The following TENM3 variants were observed in gnomAD, a reference collection of about 807,000 sequenced individuals.
The protein encoded by TENM3 is teneurin-3.
A neutral mutation model predicts 255.1 loss-of-function variants in TENM3; 63 were observed. The observed-to-expected ratio is 0.25, with a 90% CI of 0.20 to 0.30. The LOEUF (loss-of-function observed/expected upper bound fraction) is 0.30. Ranked by LOEUF, TENM3 falls within the 10% of genes least tolerant of loss-of-function variation. The probability of loss-of-function intolerance (pLI) is 1.00; values close to 1 mark genes in which losing one functional copy is unlikely to be tolerated. For synonymous variants in TENM3, 1,306 were observed against 1,322.3 expected, an observed-to-expected ratio of 0.99 and a Z score of 0.27; for missense variants, 2,929 against 3,461.1, an observed-to-expected ratio of 0.85 and a Z score of 3.86.
the TENM3 span, among the ~76,000 whole-genome samples, chr4:181,935,730 C>T: frequency 2.0e-5 from 3 of 152,148 alleles, no homozygotes; most frequent in Admixed American, 6.5e-5. Context: ...GCAAAACTCT[C>T]GAATCCCAGC....
the TENM3 span, among the ~76,000 whole-genome samples, chr4:181,644,487 A>G: frequency 6.6e-6 from 1 of 151,802 alleles, no homozygotes; most frequent in African/African-American, 2.4e-5. Context: ...AAGATGAAAG[A>G]TAATCAAATT....
intron 6 of TENM3, among the ~76,000 whole-genome samples, chr4:182,658,471 C>A (rs28435296): frequency 0.016 from 2,455 of 152,250 alleles, 68 homozygotes; most frequent in African/African-American, 0.056. Flanking sequence ...CTCTTCAGCT[C>A]CAGATCTCAA....
At chr4:181,883,687 C>G in the TENM3 span, among the ~76,000 whole-genome samples, 113 of 152,196 alleles carry the variant, frequency 7.4e-4, 2 homozygotes, top group South Asian at 0.021. Context: ...TTGTGTTAGC[C>G]AGGATGGTCT....
Position 182,688,178 on chromosome 4 carries a change from T to C in TENM3, c.2048T>C (p.Val683Ala). The stretch of plus-strand genomic sequence containing the variant: ...TCCTCCCACATAGAAATATGTTCTG[T>C]GGACTGTGGCTCACACGGCGTTTGC... ...GPDCSNEICS[V>A]DCGSHGVCMG... Residue 683 changes from valine (V) to alanine (A), a missense_variant, in exon 12 of 28, where the codon GTG becomes GCG. By Grantham distance (64) the Val-to-Ala change is moderately conservative. Around this residue, in one of 6 missense-constraint regions of TENM3, gnomAD observed 1,608 missense variants for 1,884.4 expected, o/e 0.85. Transcript: ENST00000511685. 2.5e-6 allele frequency: 4 copies of C among 1,610,514 alleles called. No individual in the cohort carries two copies. The highest frequency in any genetic ancestry group is 3.4e-6 in the Non-Finnish European group (4 of 1,178,166).
chr4:182,725,818 A>G (rs1760123466), intron 13 of TENM3, among the ~76,000 whole-genome samples: 1 of 151,588 alleles, frequency 6.6e-6, no homozygotes. Context: ...TTGTATTTTT[A>G]GTAGAGACGG....
At chr4:181,622,700 A>C in the TENM3 span, among the ~76,000 whole-genome samples, 1 of 152,146 alleles carries the variant, frequency 6.6e-6, no homozygotes, top group African/African-American at 2.4e-5. Flanking sequence ...AAATATGATA[A>C]CATGGCTTTT....
At chr4:182,663,388 C>T (rs1210401877) in intron 6 of TENM3, among the ~76,000 whole-genome samples, 1 of 152,056 alleles carries the variant, frequency 6.6e-6, no homozygotes, top group Non-Finnish European at 1.5e-5. Flanking sequence ...ACACATTTGA[C>T]TGAAAACAAC....
chr4:181,474,099 G>C, the TENM3 span, among the ~76,000 whole-genome samples: 1 of 151,902 alleles, frequency 6.6e-6, no homozygotes, highest in African/African-American at 2.4e-5. Context: ...CTCATAAGTG[G>C]GAGGTGAACA....
intron 2 of TENM3, among the ~76,000 whole-genome samples, chr4:182,334,326 A>G (rs1237124838): frequency 6.6e-6 from 1 of 152,218 alleles, no homozygotes; most frequent in Non-Finnish European, 1.5e-5. Flanking sequence ...GGATGGGAAG[A>G]TGATACCATA....
chr4:182,452,368 C>A (rs1029109112), intron 3 of TENM3, among the ~76,000 whole-genome samples: 1 of 151,864 alleles, frequency 6.6e-6, no homozygotes, highest in African/African-American at 2.4e-5. Context: ...TAAACTGTAC[C>A]CTTCTGGGTT....
chr4:182,529,919 T>C (rs1464022944), intron 3 of TENM3, among the ~76,000 whole-genome samples: 2 of 152,208 alleles, frequency 1.3e-5, no homozygotes, highest in African/African-American at 4.8e-5. Flanking sequence ...ACCAATATTG[T>C]TTTAAGCCTT....
At chr4:182,004,845 T>C in the TENM3 span, among the ~76,000 whole-genome samples, 1 of 152,202 alleles carries the variant, frequency 6.6e-6, no homozygotes, top group Admixed American at 6.5e-5. Context: ...GTTTTTCTCA[T>C]GTTTGTTGAC....
the TENM3 span, among the ~76,000 whole-genome samples, chr4:181,958,616 G>A: frequency 6.6e-6 from 1 of 152,224 alleles, no homozygotes; most frequent in African/African-American, 2.4e-5. Flanking sequence ...CGAGTGGGTA[G>A]GCTGGAAACT....
rs552294014 is a variant in TENM3, at chr4:182,511,693, G to A, written c.512-89231G>A. ...CTGGAATTTTGAGAATGTAGCATTT[G>A]TAAATGTGAAGAAAAATCAGTAACA... On this transcript the variant is annotated intron_variant, in intron 3 of 27. Transcript: ENST00000511685. 1.2e-4 allele frequency among the ~76,000 whole-genome samples: 19 copies of A among 152,186 alleles called. 1 individual carries two copies. In the South Asian group the frequency reaches 4.0e-3, roughly 32 times the overall value.
the TENM3 span, among the ~76,000 whole-genome samples, chr4:181,814,337 A>G: frequency 6.6e-6 from 1 of 152,240 alleles, no homozygotes; most frequent in Non-Finnish European, 1.5e-5. Context: ...AATAGTAGCC[A>G]TAAACCAGTA....
intron 5 of TENM3, among the ~76,000 whole-genome samples, chr4:182,634,502 G>A (rs1348562512): frequency 6.6e-6 from 1 of 151,920 alleles, no homozygotes; most frequent in Non-Finnish European, 1.5e-5. Context: ...ATTTTCTTTG[G>A]ATTACTGAGC....
intron 3 of TENM3, among the ~76,000 whole-genome samples, chr4:182,568,276 C>G (rs1297979189): frequency 6.6e-6 from 1 of 152,142 alleles, no homozygotes; most frequent in African/African-American, 2.4e-5. Context: ...ACATTTTGAG[C>G]TCAACACAGT....
At chr4:181,884,810 T>C in the TENM3 span, among the ~76,000 whole-genome samples, 1 of 152,186 alleles carries the variant, frequency 6.6e-6, no homozygotes, top group Non-Finnish European at 1.5e-5. Context: ...CAAATCATTG[T>C]CTCAGTTACT....
the TENM3 span, among the ~76,000 whole-genome samples, chr4:182,031,471 T>G: frequency 6.6e-6 from 1 of 152,204 alleles, no homozygotes; most frequent in Non-Finnish European, 1.5e-5. Flanking sequence ...GCAGTGTAGT[T>G]TGAAGTCAGG....
Sources: allele counts gnomAD v4.1 joint callset (sites outside exome capture counted in the v4.1 genomes callset), GRCh38; gene constraint gnomAD v4.1.1; regional missense constraint gnomAD v4.1.1; transcripts MANE v1.5; gene names NCBI Gene and HGNC (gene_info 2026-07-23, HGNC 2026-07-21).